Variants in RARB observed in about 807,000 individuals in gnomAD.
RARB encodes retinoic acid receptor beta, also known as HBV-activated protein.
Under a neutral mutation model 51.9 loss-of-function variants are expected in RARB, and 17 were observed. The observed-to-expected ratio is 0.33, with a 90% confidence interval of 0.22 to 0.49. The LOEUF (loss-of-function observed/expected upper bound fraction) is 0.49. RARB is among the 20% of genes least tolerant of loss of function. The probability of loss-of-function intolerance (pLI) is 0.99; values close to 1 mark genes in which losing one functional copy is unlikely to be tolerated. For synonymous variants in RARB, 215 were observed against 195.4 expected (o/e 1.10, Z -0.84); for missense variants, 369 against 550.8 (o/e 0.67, Z 3.30).
At position 25,273,182 on chromosome 3, in the gene RARB, A is replaced by C. The variant is rs147685089; in HGVS notation, c.178+98607A>C. ...TCCAGCGGAATATTTAGCTGCTTCT[A>C]TGTGGATCTACATGTCATATTAAGT... On this transcript the variant is annotated intron_variant, in intron 5 of 11. Transcript: ENST00000383772. 3.1e-3 allele frequency among the ~76,000 whole-genome samples: 470 copies of C among 152,252 alleles called. 3 individuals are homozygous for C. Among genetic ancestry groups the C allele is most frequent in the African/African-American group, 0.011 (448 of 41,542 alleles).
At chr3:24,942,089 T>G (rs1695679777) in intron 2 of RARB, among the ~76,000 whole-genome samples, 2 of 152,222 alleles carry the variant, frequency 1.3e-5, no homozygotes, top group Non-Finnish European at 2.9e-5. Context: ...CACACATGTT[T>G]TCATTTAAGT....
chr3:24,839,118 G>A (rs2125329363), intron 1 of RARB, among the ~76,000 whole-genome samples: 1 of 152,088 alleles, frequency 6.6e-6, no homozygotes, highest in Admixed American at 6.5e-5. Context: ...TTAGGAACTG[G>A]CATTGACAAA....
chr3:24,908,948 T>G (rs1694931497), intron 2 of RARB, among the ~76,000 whole-genome samples: 1 of 152,124 alleles, frequency 6.6e-6, no homozygotes, highest in South Asian at 2.1e-4. Flanking sequence ...GGAATCCTAT[T>G]TTTTCCATGA....
At chr3:24,933,902 T>C (rs779520342) in intron 2 of RARB, among the ~76,000 whole-genome samples, 9 of 152,150 alleles carry the variant, frequency 5.9e-5, no homozygotes, top group South Asian at 2.1e-4. Context: ...CAAATAGAGA[T>C]GCATTTGTAT....
chr3:25,078,088 A>G (rs922983784), intron 3 of RARB, among the ~76,000 whole-genome samples: 4 of 152,098 alleles, frequency 2.6e-5, no homozygotes, highest in Non-Finnish European at 4.4e-5. Flanking sequence ...TAGTTTGCCT[A>G]TGGATATCTT....
At chr3:25,566,947 G>A (rs569107708) in intron 3 of RARB, among the ~76,000 whole-genome samples, 74 of 152,344 alleles carry the variant, frequency 4.9e-4, no homozygotes, top group Middle Eastern at 3.4e-3. Context: ...TTACTGTGGG[G>A]ATTTCGCGAG....
At chr3:25,245,757 T>C (rs1412903621) in intron 5 of RARB, among the ~76,000 whole-genome samples, 1 of 152,174 alleles carries the variant, frequency 6.6e-6, no homozygotes, top group East Asian at 1.9e-4. Context: ...CATTTCAATC[T>C]TGGTGAATCT....
chr3:25,573,808 G>T (rs894587119), intron 4 of RARB, among the ~76,000 whole-genome samples: 1 of 152,174 alleles, frequency 6.6e-6, no homozygotes, highest in Non-Finnish European at 1.5e-5. Context: ...AATAAGAAAG[G>T]CAGCCAACTG....
At chr3:25,152,251 G>T (rs1381132348) in intron 4 of RARB, among the ~76,000 whole-genome samples, 1 of 152,076 alleles carries the variant, frequency 6.6e-6, no homozygotes, top group South Asian at 2.1e-4. Context: ...TTGAATTGCT[G>T]TGCTTTCAAC....
rs528464640 is a variant in RARB, at chr3:24,937,188, G to A, written c.-380+78436G>A. 9.2e-5 allele frequency among the ~76,000 whole-genome samples: 14 copies of A among 152,232 alleles called. No homozygotes were observed. The East Asian group carries it at 2.5e-3, about 27-fold the overall frequency. ...TTACATGGAAACAAAAATTAAAGTC[G>A]TGTCTTCTTTCTTCTCTTTATTTTT... On this transcript the variant is annotated intron_variant, in intron 2 of 11. Coordinates refer to the RARB transcript ENST00000383772.
intron 2 of RARB, among the ~76,000 whole-genome samples, chr3:24,972,677 AC>A (rs757599295): frequency 5.9e-5 from 9 of 151,890 alleles, no homozygotes. Context: ...TTTGATAAAT[AC>A]CATGTTAACT....
chr3:25,402,825 G>T lies in RARB; in HGVS notation c.179-58368G>T, dbSNP rs969580330. On this transcript the variant is annotated intron_variant, in intron 5 of 11. Transcript: ENST00000383772. ...GGGCTAAGAGTGGTAGTGGGGGTTG[G>T]GGTGGGGCATGAGGATGGTTAATGG... 3.3e-5 allele frequency among the ~76,000 whole-genome samples: 5 copies of T among 152,222 alleles called. No homozygotes were observed. The South Asian group carries it at 1.0e-3, about 32-fold the overall frequency.
chr3:25,396,097 C>G (rs1487856306), intron 5 of RARB, among the ~76,000 whole-genome samples: 1 of 152,202 alleles, frequency 6.6e-6, no homozygotes, highest in Non-Finnish European at 1.5e-5. Flanking sequence ...ATGTGGCTTC[C>G]TAAGAACCAG....
At chr3:25,471,246 G>A (rs944813978) in intron 2 of RARB, among the ~76,000 whole-genome samples, 3 of 152,080 alleles carry the variant, frequency 2.0e-5, no homozygotes, top group East Asian at 1.9e-4. Context: ...ATTGCAAAAC[G>A]TATGTCCTCT....
At position 25,494,024 on chromosome 3, in the gene RARB, C is replaced by T. The variant is rs577393185; in HGVS notation, c.307-7158C>T. Among the ~76,000 whole-genome samples, 10 of 152,258 alleles carry T rather than the reference C, an allele frequency of 6.6e-5. No individual in the cohort carries two copies. The South Asian group carries it at 1.7e-3, about 25-fold the overall frequency. On this transcript the variant is annotated intron_variant, in intron 2 of 7. Coordinates refer to ENST00000330688, the MANE Select transcript of RARB (RefSeq NM_000965.5). ...ATTCCTGCCTAGACCCAAGGGCAGG[C>T]TCAGGGGATTAGGTATTTGTATTGA... is the stretch of plus-strand genomic sequence containing the variant.
chr3:25,321,450 G>C (rs1453943733), intron 5 of RARB, among the ~76,000 whole-genome samples: 1 of 152,022 alleles, frequency 6.6e-6, no homozygotes, highest in Non-Finnish European at 1.5e-5. Flanking sequence ...GGTCACGGTG[G>C]CTCACATCTG....
intron 5 of RARB, among the ~76,000 whole-genome samples, chr3:25,205,169 T>TCAGAC (rs886719575): frequency 1.3e-5 from 2 of 152,146 alleles, no homozygotes; most frequent in African/African-American, 2.4e-5. Context: ...CAGTTTGATC[T>TCAGAC]CAGACTGCTG....
At chr3:25,014,466 T>C (rs1317128401) in intron 2 of RARB, among the ~76,000 whole-genome samples, 2 of 152,200 alleles carry the variant, frequency 1.3e-5, no homozygotes, top group East Asian at 1.9e-4. Flanking sequence ...GGAGGAGAGA[T>C]GGGTTTTCTC....
chr3:25,333,205 G>T (rs887506261), intron 5 of RARB, among the ~76,000 whole-genome samples: 1 of 152,028 alleles, frequency 6.6e-6, no homozygotes, highest in African/African-American at 2.4e-5. Flanking sequence ...CCAAAAAAGA[G>T]CCCGCATTGC....
Sources: allele counts gnomAD v4.1 joint callset (sites outside exome capture counted in the v4.1 genomes callset), GRCh38; gene constraint gnomAD v4.1.1; transcripts MANE v1.5; gene names NCBI Gene and HGNC (gene_info 2026-07-23, HGNC 2026-07-21).